The following DGKB variants were observed in gnomAD, a reference collection of about 807,000 sequenced individuals.
DGKB encodes diacylglycerol kinase beta.
DGKB carries 67 observed loss-of-function variants against 114.3 expected under a neutral mutation model. The observed-to-expected ratio is 0.59, with a 90% confidence interval of 0.48 to 0.72. The LOEUF is 0.72. Among genes scored for constraint, DGKB ranks in the 30% least tolerant of loss-of-function variants. The pLI is 0.00. For synonymous variants in DGKB, 398 were observed against 323.1 expected (o/e 1.23, Z -2.49); for missense variants, 907 against 975.2 (o/e 0.93, Z 0.93).
intron 1 of DGKB, among the ~76,000 whole-genome samples, chr7:14,961,661 T>C (rs780094971): frequency 3.9e-5 from 6 of 152,110 alleles, no homozygotes; most frequent in Non-Finnish European, 8.8e-5. Flanking sequence ...GACACAAATG[T>C]CGGGCCATTT....
Position 14,613,394 on chromosome 7 carries a change from G to A in DGKB, c.1304C>T (p.Thr435Ile), listed in dbSNP as rs1451537790. ...QGLQVTPVPG[T>I]HPLLVFVNPK... Reference sequence around the variant, plus strand: ...GTTCACAAAAACTAAAAGTGGGTGAGTACCAGGCACAGGAGTGACCTATAA... The same window carrying A: ...GTTCACAAAAACTAAAAGTGGGTGAATACCAGGCACAGGAGTGACCTATAA... Residue 435 changes from threonine (T) to isoleucine (I), a missense_variant, in exon 16 of 26, where the codon ACT becomes ATT. Thr to Ile is a moderately conservative substitution (Grantham distance 89, BLOSUM62 -1). This residue lies in a region of DGKB where 814 missense variants were observed against 856.6 expected (regional missense o/e 0.95). Transcript: ENST00000402815. 1.3e-6 allele frequency: 2 copies of A among 1,566,954 alleles called. No individual in the cohort carries two copies. The highest frequency in any genetic ancestry group is 1.7e-6 in the Non-Finnish European group (2 of 1,153,466).
At chr7:14,667,543 G>C (rs1818250673) in intron 13 of DGKB, among the ~76,000 whole-genome samples, 1 of 151,896 alleles carries the variant, frequency 6.6e-6, no homozygotes, top group Non-Finnish European at 1.5e-5. Context: ...AAGAAACTGG[G>C]GCATACAATT....
Position 14,300,740 on chromosome 7 carries a change from G to T in DGKB, c.2122+37775C>A, listed in dbSNP as rs529316309. ...AGAATCCAGTTTTAACAAGTGTATC[G>T]TTCACAAAAATGTCTCCTATATGGC... On this transcript the variant is annotated intron_variant, in intron 23 of 25. Coordinates refer to ENST00000402815, the MANE Select transcript of DGKB (RefSeq NM_001350709.2). Among the ~76,000 whole-genome samples the T allele has an allele frequency of 2.6e-5, 4 of 151,950 alleles. No homozygotes were observed. In the South Asian group the frequency reaches 6.2e-4, roughly 24 times the overall value.
At chr7:14,659,784 TGA>T (rs1212856062) in intron 13 of DGKB, among the ~76,000 whole-genome samples, 2 of 150,704 alleles carry the variant, frequency 1.3e-5, no homozygotes, top group Non-Finnish European at 3.0e-5. Flanking sequence ...GTAGGAGTGG[TGA>T]GAGAGGGCAT....
At chr7:14,627,087 T>C (rs974090336) in intron 14 of DGKB, among the ~76,000 whole-genome samples, 1 of 152,288 alleles carries the variant, frequency 6.6e-6, no homozygotes, top group Admixed American at 6.5e-5. Flanking sequence ...TTTTAAAGTA[T>C]AGATAAAAAA....
chr7:14,282,937 C>G (rs1343246540), intron 23 of DGKB, among the ~76,000 whole-genome samples: 1 of 151,934 alleles, frequency 6.6e-6, no homozygotes, highest in African/African-American at 2.4e-5. Context: ...GAAGCATTCC[C>G]TTTGAAAACT....
chr7:14,491,221 G>T (rs974926320), intron 20 of DGKB, among the ~76,000 whole-genome samples: 2 of 151,964 alleles, frequency 1.3e-5, no homozygotes, highest in South Asian at 4.2e-4. Flanking sequence ...TAATCATGGG[G>T]GCTTTTTCCC....
In DGKB at chr7:14,909,456, G is replaced by A. The variant is rs184906258; in HGVS notation, c.-188+65240C>T. 6.1e-3 allele frequency among the ~76,000 whole-genome samples: 921 copies of A among 152,006 alleles called. 6 individuals carry two copies. The highest frequency in any genetic ancestry group is 7.2e-3 in the Non-Finnish European group (487 of 67,952). ...ATATTACTGGGATTTAGCTTCATAG[G>A]TCTATGTAGAGTGTTGTTAAGAAGC... On this transcript the variant is annotated intron_variant, in intron 1 of 4. Coordinates refer to the DGKB transcript ENST00000437998.
chr7:14,928,862 A>T (rs905706397), intron 1 of DGKB, among the ~76,000 whole-genome samples: 1 of 151,916 alleles, frequency 6.6e-6, no homozygotes, highest in African/African-American at 2.4e-5. Context: ...ATTGTCTATT[A>T]TTCCACACTT....
chr7:14,928,603 ACCT>A (rs1327923359), intron 1 of DGKB, among the ~76,000 whole-genome samples: 1 of 151,816 alleles, frequency 6.6e-6, no homozygotes, highest in Non-Finnish European at 1.5e-5. Flanking sequence ...GTCATCAGTG[ACCT>A]CCTGTCAAAA....
intron 1 of DGKB, among the ~76,000 whole-genome samples, chr7:14,878,572 C>T (rs755875978): frequency 3.3e-5 from 5 of 151,514 alleles, no homozygotes; most frequent in Admixed American, 1.3e-4. Context: ...GGTGAAACCC[C>T]GTCTCTACTA....
intron 23 of DGKB, among the ~76,000 whole-genome samples, chr7:14,235,159 A>C (rs2128349870): frequency 6.6e-6 from 1 of 152,180 alleles, no homozygotes; most frequent in Non-Finnish European, 1.5e-5. Context: ...TTACAGAAGA[A>C]GCTGAGACCA....
At chr7:14,561,132 A>G (rs1206592685) in intron 20 of DGKB, among the ~76,000 whole-genome samples, 1 of 152,144 alleles carries the variant, frequency 6.6e-6, no homozygotes, top group Non-Finnish European at 1.5e-5. Flanking sequence ...AGGTAACTGA[A>G]TTATGGGAGC....
intron 21 of DGKB, among the ~76,000 whole-genome samples, chr7:14,363,214 T>C (rs902392479): frequency 2.0e-5 from 3 of 152,140 alleles, no homozygotes; most frequent in Non-Finnish European, 2.9e-5. Flanking sequence ...AGCCACTAAG[T>C]GTTAGTCTGG....
intron 13 of DGKB, among the ~76,000 whole-genome samples, chr7:14,654,941 G>C (rs918541310): frequency 5.9e-5 from 9 of 151,964 alleles, no homozygotes; most frequent in African/African-American, 1.9e-4. Context: ...AAAAAACAGA[G>C]GGGGATTTCT....
At chr7:14,844,864 T>C (rs548831839) in intron 1 of DGKB, among the ~76,000 whole-genome samples, 1 of 152,184 alleles carries the variant, frequency 6.6e-6, no homozygotes, top group East Asian at 1.9e-4. Context: ...CCCAGCACTT[T>C]GGGAGGCCAA....
At chr7:14,757,215 T>C (rs1483760701) in intron 3 of DGKB, among the ~76,000 whole-genome samples, 1 of 152,026 alleles carries the variant, frequency 6.6e-6, no homozygotes, top group Non-Finnish European at 1.5e-5. Context: ...CCTACACCAA[T>C]ATCCATTTTG....
At chr7:14,742,787 G>C (rs1234975842) in intron 4 of DGKB, among the ~76,000 whole-genome samples, 4 of 152,170 alleles carry the variant, frequency 2.6e-5, no homozygotes, top group African/African-American at 9.7e-5. Flanking sequence ...ACTGAAAATA[G>C]ATTGACATGC....
At chr7:14,314,130 G>A (rs1399285853) in intron 23 of DGKB, among the ~76,000 whole-genome samples, 2 of 152,116 alleles carry the variant, frequency 1.3e-5, no homozygotes, top group Non-Finnish European at 2.9e-5. Flanking sequence ...AAACTCATCT[G>A]TACATCACCA....
Sources: allele counts gnomAD v4.1 joint callset (sites outside exome capture counted in the v4.1 genomes callset), GRCh38; gene constraint gnomAD v4.1.1; regional missense constraint gnomAD v4.1.1; transcripts MANE v1.5; gene names NCBI Gene and HGNC (gene_info 2026-07-23, HGNC 2026-07-21).